Variants in PLEKHO1 observed in about 807,000 individuals in gnomAD.
PLEKHO1 encodes pleckstrin homology domain-containing family O member 1.
Under a neutral mutation model 41.4 loss-of-function variants are expected in PLEKHO1, and 22 were observed. The observed-to-expected ratio is 0.53, with a 90% confidence interval of 0.38 to 0.76. The LOEUF is 0.76. Among genes scored for constraint, PLEKHO1 ranks in the 30% least tolerant of loss-of-function variants. The probability of loss-of-function intolerance (pLI) is 0.00; values close to 1 mark genes in which losing one functional copy is unlikely to be tolerated. For synonymous variants in PLEKHO1, 225 were observed against 210.8 expected (o/e 1.07, Z -0.58); for missense variants, 488 against 518.3 (o/e 0.94, Z 0.57).
Position 150,150,913 on chromosome 1 carries a change from G to A in PLEKHO1, c.32G>A (p.Gly11Glu), listed in dbSNP as rs1213615289. The A allele has an allele frequency of 6.2e-6, 10 of 1,613,400 alleles. No homozygotes were observed. Among genetic ancestry groups the A allele is most frequent in the African/African-American group, 5.3e-5 (4 of 74,924 alleles). Residue 11 changes from glycine to glutamate, a missense_variant and splice_region_variant, in exon 2 of 6, where the codon GGA becomes GAA. Physicochemically the swap from Gly to Glu is moderately conservative, Grantham distance 98. Transcript: ENST00000369124. MMKKNNSAKR[G>E]PQDGNQQPAP... ...GCTTCTCATCTTGTCCTGGGGCAGGGACCTCAGGATGGAAACCAGCAGCCT... is the reference window on the plus strand; with the variant it reads ...GCTTCTCATCTTGTCCTGGGGCAGGAACCTCAGGATGGAAACCAGCAGCCT...
chr1:150,159,436 C>T lies in PLEKHO1; in HGVS notation c.1143C>T (p.Asp381=), dbSNP rs1553821607. 1.2e-6 allele frequency: 2 copies of T among 1,614,026 alleles called. No individual in the cohort carries two copies. The highest frequency in any genetic ancestry group is 1.7e-5 in the Admixed American group (1 of 60,012). ...TGCAGGAGGTCAGGGAGCTGAGAGA[C>T]CTGTACAGACAGATGGACCTGCAGA... The part of the protein sequence containing the change: ...RVLQEVRELR[D]LYRQMDLQTP... Residue 381 remains aspartate (D), a synonymous_variant, in exon 6 of 6, where the codon GAC becomes GAT. Coordinates refer to ENST00000369124, the MANE Select transcript of PLEKHO1 (RefSeq NM_016274.6).
At chr1:150,152,441 A>G (rs1230605084) in intron 2 of PLEKHO1, among the ~76,000 whole-genome samples, 3 of 152,074 alleles carry the variant, frequency 2.0e-5, no homozygotes, top group Non-Finnish European at 4.4e-5. Flanking sequence ...AGCTGGGACT[A>G]CAGGTGGGTG....
At chr1:150,156,714 A>G (rs1343136277) in intron 3 of PLEKHO1, among the ~76,000 whole-genome samples, 197 bp from the exon 4 acceptor site, 1 of 152,176 alleles carries the variant, frequency 6.6e-6, no homozygotes, top group Non-Finnish European at 1.5e-5. Flanking sequence ...GGTCATTTCT[A>G]AAACAACCTC....
chr1:150,159,065 C>T lies in PLEKHO1; in HGVS notation c.772C>T (p.Pro258Ser), dbSNP rs1430335857. ...DKGATYTPQA[P>S]KKLTPTEKGR... is the part of the protein sequence containing the mutation. ...AGGGGCCACCTACACCCCCCAGGCA[C>T]CCAAGAAGTTGACGCCCACAGAGAA... The change falls in exon 6 of 6, where the codon CCC becomes TCC. Residue 258 changes from proline to serine, a missense_variant. Physicochemically the swap from Pro to Ser is moderately conservative, Grantham distance 74 (BLOSUM62 -1). Transcript: ENST00000369124. The T allele has an allele frequency of 3.1e-6, 5 of 1,613,984 alleles. No individual in the cohort carries two copies. In the African/African-American group the frequency reaches 5.3e-5, roughly 17 times the overall value.
chr1:150,158,387 T>C (rs1257273224), intron 5 of PLEKHO1, among the ~76,000 whole-genome samples: 2 of 152,066 alleles, frequency 1.3e-5, no homozygotes, highest in Admixed American at 1.3e-4. Flanking sequence ...GAGGGTTCAG[T>C]CAAGAGCAGA....
rs1283703414 is a variant in PLEKHO1 at position 150,156,962 on chromosome 1, A to G, written c.370A>G (p.Ile124Val). 1 of 1,613,746 alleles carries G rather than the reference A, an allele frequency of 6.2e-7. No individual in the cohort carries two copies. Among genetic ancestry groups the G allele is most frequent in the East Asian group, 2.2e-5 (1 of 44,898 alleles). ...AVSPEEKESW[I>V]NALNSAITRA... The stretch of plus-strand genomic sequence containing the variant: ...GAGTCCAGAAGAGAAGGAATCGTGG[A>G]TCAATGCCCTCAACTCTGCCATCAC... The change falls in exon 4 of 6, where the codon ATC becomes GTC. Residue 124 changes from isoleucine to valine, a missense_variant. This residue lies in a region of PLEKHO1 where 59 missense variants were observed against 111.5 expected (regional missense o/e 0.53). Coordinates refer to ENST00000369124, the MANE Select transcript of PLEKHO1 (RefSeq NM_016274.6).
intron 5 of PLEKHO1, among the ~76,000 whole-genome samples, chr1:150,158,564 A>C (rs190323768): frequency 0.022 from 3,307 of 151,470 alleles, 99 homozygotes; most frequent in African/African-American, 0.075. Flanking sequence ...TGGTGCACGC[A>C]TGTAATCCCA....
Position 150,156,278 on chromosome 1 carries a change from C to T in PLEKHO1, c.318+72C>T. The T allele has an allele frequency of 3.9e-6, 5 of 1,298,324 alleles. 1 individual carries two copies. In the South Asian group the frequency reaches 5.3e-5, roughly 14 times the overall value. 80.4% of individuals were successfully genotyped at this position (1,298,324 alleles called of 1,614,324 possible). ...GAGGGGGCAGGGGAGAACTCCTTCC[C>T]CTCAGTTTCTCTCTCAGCAATCTTG... On this transcript the variant is annotated intron_variant, in intron 3 of 5. Coordinates refer to ENST00000369124, the MANE Select transcript of PLEKHO1 (RefSeq NM_016274.6).
intron 4 of PLEKHO1, 60 bp from the exon 5 acceptor site, chr1:150,157,325 T>C (rs1553820640): frequency 1.6e-6 from 2 of 1,270,276 alleles, no homozygotes; most frequent in African/African-American, 2.9e-5. Flanking sequence ...GGCCTCGGGA[T>C]GCTGGGTTGG....
rs374426749 is a variant in PLEKHO1 at position 150,159,475 on chromosome 1, C to T, written c.1182C>T (p.His394=). 1.2e-6 allele frequency: 2 copies of T among 1,613,758 alleles called. No homozygotes were observed. The highest frequency in any genetic ancestry group is 1.3e-5 in the African/African-American group (1 of 75,012). The change falls in exon 6 of 6, where the codon CAC becomes CAT. Residue 394 remains histidine, a synonymous_variant. Transcript: ENST00000369124. ...TGGACCTGCAGACCCCGGACTCCCACCTCAGACAGACCACCCCGCACAGTC... is the reference window on the plus strand; with the variant it reads ...TGGACCTGCAGACCCCGGACTCCCATCTCAGACAGACCACCCCGCACAGTC... ...RQMDLQTPDS[H]LRQTTPHSQY...
chr1:150,154,046 T>C (rs1443197948), intron 2 of PLEKHO1: 2 of 152,270 alleles, frequency 1.3e-5, no homozygotes, highest in Non-Finnish European at 2.9e-5. Flanking sequence ...CTAACCTCTA[T>C]CAGTGTCTCC....
rs1271979266 is a variant in PLEKHO1 at position 150,158,924 on chromosome 1, C to G, written c.631C>G (p.Leu211Val). The G allele has an allele frequency of 3.1e-6, 5 of 1,614,042 alleles. No homozygotes were observed. The highest frequency in any genetic ancestry group is 4.2e-6 in the Non-Finnish European group (5 of 1,180,022). The change falls in exon 6 of 6, where the codon CTG becomes GTG. Residue 211 changes from leucine (L) to valine (V), a missense_variant. Physicochemically the swap from Leu to Val is conservative, Grantham distance 32. Around this residue, in one of 3 missense-constraint regions of PLEKHO1, gnomAD observed 337 missense variants for 324.6 expected, o/e 1.04. Coordinates refer to ENST00000369124, the MANE Select transcript of PLEKHO1 (RefSeq NM_016274.6). ...TTGTGCTGAGAGCTTTCGGGTTGAC[C>G]TGGACAAGTCTGTGGCCCAGCTGGC... is the stretch of plus-strand genomic sequence containing the variant. ...TSCAESFRVDLDKSVAQLAGS... is the reference protein window; with the variant it reads ...TSCAESFRVDVDKSVAQLAGS...
chr1:150,159,472 C>A lies in PLEKHO1; in HGVS notation c.1179C>A (p.Ser393=), dbSNP rs1169331355. The A allele has an allele frequency of 1.9e-6, 3 of 1,613,790 alleles. No individual in the cohort carries two copies. In the Admixed American group the frequency reaches 5.0e-5, roughly 27 times the overall value. Reference sequence around the variant, plus strand: ...AGATGGACCTGCAGACCCCGGACTCCCACCTCAGACAGACCACCCCGCACA... The same window carrying A: ...AGATGGACCTGCAGACCCCGGACTCACACCTCAGACAGACCACCCCGCACA... The part of the protein sequence containing the change: ...YRQMDLQTPD[S]HLRQTTPHSQ... The change falls in exon 6 of 6, where the codon TCC becomes TCA. Residue 393 remains serine, a synonymous_variant. Transcript: ENST00000369124.
chr1:150,153,280 C>T (rs111917650), intron 2 of PLEKHO1, among the ~76,000 whole-genome samples: 21 of 152,082 alleles, frequency 1.4e-4, no homozygotes, highest in African/African-American at 2.2e-4. Context: ...CTTGACCTCC[C>T]GGGCTTAAGC....
intron 5 of PLEKHO1, among the ~76,000 whole-genome samples, chr1:150,158,332 C>T (rs6681679): frequency 0.043 from 6,572 of 152,162 alleles, 494 homozygotes; most frequent in African/African-American, 0.15. Flanking sequence ...GAAGAAGAAA[C>T]ATTCAAGTCA....
At position 150,159,315 on chromosome 1, in the gene PLEKHO1, G is replaced by C. The variant is rs782606986; in HGVS notation, c.1022G>C (p.Arg341Pro). 6.2e-7 allele frequency: 1 copy of C among 1,614,054 alleles called. No homozygotes were observed. Among genetic ancestry groups the C allele is most frequent in the African/African-American group, 1.3e-5 (1 of 74,916 alleles). Residue 341 changes from arginine to proline, a missense_variant, in exon 6 of 6, where the codon CGG becomes CCG. By Grantham distance (103) the Arg-to-Pro change is moderately radical. Transcript: ENST00000369124. ...DGKRKAKDPPRSPPDSESEQL... is the reference protein window; with the variant it reads ...DGKRKAKDPPPSPPDSESEQL... ...AAGCGAAAGGCCAAGGACCCCCCTC[G>C]GTCTCCGCCGGATTCTGAGTCAGAG...
rs1375919959 is a variant in PLEKHO1 at position 150,150,230 on chromosome 1, C to T, written c.-28C>T. On this transcript the variant is annotated 5_prime_UTR_variant, in exon 1 of 6. Transcript: ENST00000369124. The stretch of plus-strand genomic sequence containing the variant: ...CCCGACGCGGGGCCGCCCCTCGGCT[C>T]GCCGCCCCGCGCCCGCGCCCGCTGG... 3.8e-6 allele frequency: 4 copies of T among 1,050,182 alleles called. No homozygotes were observed. Among genetic ancestry groups the T allele is most frequent in the Middle Eastern group, 8.8e-4 (2 of 2,276 alleles). 65.1% of individuals were successfully genotyped at this position (1,050,182 alleles called of 1,614,324 possible).
chr1:150,150,839 G>T (rs1571940325), intron 1 of PLEKHO1, 73 bp from the exon 2 acceptor site: 3 of 1,435,282 alleles, frequency 2.1e-6, no homozygotes, highest in Admixed American at 3.5e-5. Flanking sequence ...CGAGGCGGTC[G>T]TGAGAGACGG....
chr1:150,152,591 A>G (rs1659985613), intron 2 of PLEKHO1, among the ~76,000 whole-genome samples: 2 of 86,568 alleles, frequency 2.3e-5, no homozygotes, highest in South Asian at 2.3e-4. Context: ...GTGTGAGCCA[A>G]CCGTGCCTGG....
Sources: gnomAD v4.1 joint callset for allele counts (sites outside exome capture counted in the v4.1 genomes callset) on GRCh38, gnomAD v4.1.1 for gene constraint, gnomAD v4.1.1 regional missense constraint, MANE v1.5 for transcripts, NCBI Gene and HGNC (gene_info 2026-07-23, HGNC 2026-07-21) for gene names.